SERPINB13: variants seen among roughly 807,000 people sequenced by gnomAD.
The protein encoded by SERPINB13 is serpin B13.
In SERPINB13, 26 loss-of-function variants were observed where a neutral mutation model predicts 31.2. That is an observed-to-expected ratio of 0.83 (90% confidence interval 0.61 to 1.15). The LOEUF (loss-of-function observed/expected upper bound fraction) is 1.15, where lower values mean the gene tolerates loss of function less well. SERPINB13 is among the 50% of genes most tolerant of loss of function. The pLI is 0.00. For missense variants in SERPINB13, 510 were observed against 469.4 expected (o/e 1.09, Z -0.80); for synonymous variants, 191 against 172.4 (o/e 1.11, Z -0.85).
rs980714981 is a variant in SERPINB13 at position 63,589,897 on chromosome 18, A to G, written c.225+182A>G. 8 of 1,239,820 alleles carry G rather than the reference A, an allele frequency of 6.5e-6. No homozygotes were observed. The South Asian group carries it at 6.7e-5, about 10-fold the overall frequency. 76.8% of individuals were successfully genotyped at this position (1,239,820 alleles called of 1,614,324 possible). On this transcript the variant is annotated intron_variant, in intron 3 of 7. Coordinates refer to ENST00000344731, the MANE Select transcript of SERPINB13 (RefSeq NM_012397.4). The stretch of plus-strand genomic sequence containing the variant: ...CAAATATTGTTGTAAGGATTATACA[A>G]TAATAATAACCCCTTAATATTGAGA...
chr18:63,593,049 C>A, intron 5 of SERPINB13, 78 bp downstream of exon 5: 2 of 928,678 alleles, frequency 2.2e-6, no homozygotes, highest in Non-Finnish European at 3.4e-6. Flanking sequence ...TCTTGACAAC[C>A]TGCTGTGAAT....
chr18:63,597,402 A>T lies in SERPINB13; in HGVS notation c.*39A>T. 1 of 1,562,774 alleles carries T rather than the reference A, an allele frequency of 6.4e-7. No individual in the cohort carries two copies. The highest frequency in any genetic ancestry group is 8.7e-7 in the Non-Finnish European group (1 of 1,150,700). ...ATGGCATTGCTGCTTTTAGCAAAAA[A>T]CAACTACCAGTGTTACTCATATGAT... On this transcript the variant is annotated 3_prime_UTR_variant, in exon 8 of 8. Transcript: ENST00000344731.
rs1912296922 is a variant in SERPINB13 at position 63,598,127 on chromosome 18, T to C, written c.*764T>C. On this transcript the variant is annotated 3_prime_UTR_variant, in exon 8 of 8. Transcript: ENST00000344731. ...TACATTTTTCTGGTTTTTTTTTTTT[T>C]TTGAGTGAGGTACGAGTATTACCAA... 1 of 151,916 alleles carries C rather than the reference T, an allele frequency of 6.6e-6. No homozygotes were observed. The highest frequency in any genetic ancestry group is 2.4e-5 in the African/African-American group (1 of 41,398). The allele number at this position is 151,916 out of a possible 1,614,324, so 9.4% of individuals were successfully genotyped here. A position where few individuals can be genotyped will look rare whatever the true frequency, so the allele number is the denominator to read the frequency against.
chr18:63,596,849 C>T (rs973534097), intron 7 of SERPINB13, 110 bp from the exon 8 acceptor site: 2 of 876,778 alleles, frequency 2.3e-6, no homozygotes, highest in Non-Finnish European at 3.3e-6. Flanking sequence ...AAAATTTCTA[C>T]TTTTAATATT....
At chr18:63,594,290 T>G in intron 5 of SERPINB13, 65 bp from the exon 6 acceptor site, 1 of 1,604,984 alleles carries the variant, frequency 6.2e-7, no homozygotes, top group South Asian at 1.1e-5. Flanking sequence ...CTGCATCATA[T>G]TTGTCATACA....
At chr18:63,596,162 T>C (rs1212968202) in intron 7 of SERPINB13, among the ~76,000 whole-genome samples, 2 of 152,152 alleles carry the variant, frequency 1.3e-5, no homozygotes, top group Non-Finnish European at 2.9e-5. Context: ...TAGAAAGCAC[T>C]CAAATGATAA....
Position 63,597,500 on chromosome 18 carries a change from A to C in SERPINB13, c.*137A>C, listed in dbSNP as rs1912256966. 1 of 871,162 alleles carries C rather than the reference A, an allele frequency of 1.1e-6. No homozygotes were observed. The highest frequency in any genetic ancestry group is 1.7e-5 in the African/African-American group (1 of 59,334). 54.0% of individuals were successfully genotyped at this position (871,162 alleles called of 1,614,324 possible). A position where few individuals can be genotyped will look rare whatever the true frequency, so the allele number is the denominator to read the frequency against. On this transcript the variant is annotated 3_prime_UTR_variant, in exon 8 of 8. Coordinates refer to ENST00000344731, the MANE Select transcript of SERPINB13 (RefSeq NM_012397.4). The stretch of plus-strand genomic sequence containing the variant: ...GTCTTGGCCATCAAATCAATGATTT[A>C]ATGACTCCAATAATGTGTGTGTTTA...
chr18:63,595,278 T>C, intron 7 of SERPINB13, 94 bp downstream of exon 7: 1 of 1,292,666 alleles, frequency 7.7e-7, no homozygotes, highest in Non-Finnish European at 1.1e-6. Flanking sequence ...CAGTGTCAAA[T>C]AGAAAGTGTT....
chr18:63,597,468 AT>A lies in SERPINB13; in HGVS notation c.*108del, dbSNP rs1450066046. The A allele has an allele frequency of 3.3e-6, 4 of 1,225,440 alleles. No homozygotes were observed. In the African/African-American group the frequency reaches 6.0e-5, roughly 19 times the overall value. The allele number at this position is 1,225,440 out of a possible 1,614,324, so 75.9% of individuals were successfully genotyped here. ...TTCTTTTAAATGTTGTCTCACTTGC[AT>A]TTCCAGTCTTGGCCATCAAATCAAT... On this transcript the variant is annotated 3_prime_UTR_variant, in exon 8 of 8. Coordinates refer to ENST00000344731, the MANE Select transcript of SERPINB13 (RefSeq NM_012397.4).
At chr18:63,591,829 G>T (rs1911872512) in intron 3 of SERPINB13, among the ~76,000 whole-genome samples, 1 of 151,914 alleles carries the variant, frequency 6.6e-6, no homozygotes, top group South Asian at 2.1e-4. Context: ...AAACTGATGG[G>T]TCCTACATAA....
In SERPINB13 at chr18:63,598,111, C is replaced by G. The variant is rs1408927658; in HGVS notation, c.*748C>G. 7.1e-6 allele frequency: 1 copy of G among 141,638 alleles called. No individual in the cohort carries two copies. The highest frequency in any genetic ancestry group is 2.0e-4 in the East Asian group (1 of 4,928). The allele number at this position is 141,638 out of a possible 1,614,324, so 8.8% of individuals were successfully genotyped here. ...CCTTTTTTTCTCCATTTACATTTTTCTGGTTTTTTTTTTTTTTTGAGTGAG... is the reference window on the plus strand; with the variant it reads ...CCTTTTTTTCTCCATTTACATTTTTGTGGTTTTTTTTTTTTTTTGAGTGAG... On this transcript the variant is annotated 3_prime_UTR_variant, in exon 8 of 8. Coordinates refer to ENST00000344731, the MANE Select transcript of SERPINB13 (RefSeq NM_012397.4).
At chr18:63,595,792 G>A (rs1475154320) in intron 7 of SERPINB13, among the ~76,000 whole-genome samples, 1 of 152,004 alleles carries the variant, frequency 6.6e-6, no homozygotes, top group Non-Finnish European at 1.5e-5. Context: ...CCAGCTACTC[G>A]GGAGGCTGAG....
At chr18:63,591,452 TTTCC>T (rs1379835033) in intron 3 of SERPINB13, among the ~76,000 whole-genome samples, 18 of 150,816 alleles carry the variant, frequency 1.2e-4, no homozygotes, top group Non-Finnish European at 5.9e-5. Context: ...TCCTTTTTTC[TTTCC>T]TTCCTTCCTT....
intron 6 of SERPINB13, 24 bp from the exon 7 acceptor site, chr18:63,595,005 G>A (rs370260802): frequency 6.3e-7 from 1 of 1,591,734 alleles, no homozygotes; most frequent in South Asian, 1.2e-5. Flanking sequence ...CTTTGATATT[G>A]TGTGCTCTGT....
Position 63,597,243 on chromosome 18 carries a change from C to T in SERPINB13, c.1056C>T (p.Gly352=). ...GTEAAAATGI[G]FTVTSAPGHE... is the part of the protein sequence containing the mutation. ...AGGCTGCAGCTGCCACCGGCATAGG[C>T]TTTACTGTCACATCCGCCCCAGGTC... Residue 352 remains glycine (G), a synonymous_variant, in exon 8 of 8, where the codon GGC becomes GGT. Coordinates refer to ENST00000344731, the MANE Select transcript of SERPINB13 (RefSeq NM_012397.4). The T allele has an allele frequency of 6.2e-7, 1 of 1,614,228 alleles. No individual in the cohort carries two copies. The highest frequency in any genetic ancestry group is 1.1e-5 in the South Asian group (1 of 91,084).
At chr18:63,588,420 T>G (rs1452864495) in intron 1 of SERPINB13, among the ~76,000 whole-genome samples, 1 of 151,908 alleles carries the variant, frequency 6.6e-6, no homozygotes, top group Non-Finnish European at 1.5e-5. Context: ...CGCGGGGAAA[T>G]AAGAACTGAG....
Position 63,596,942 on chromosome 18 carries a change from T to G in SERPINB13, c.772-17T>G. ...ATTGATAATCATGCCATTCTACTCT[T>G]CTTTTTTTGAAAATAGATAATAGAT... On this transcript the variant is annotated splice_polypyrimidine_tract_variant and intron_variant, in intron 7 of 7. Coordinates refer to ENST00000344731, the MANE Select transcript of SERPINB13 (RefSeq NM_012397.4). 1 of 1,574,656 alleles carries G rather than the reference T, an allele frequency of 6.4e-7. No individual in the cohort carries two copies. The highest frequency in any genetic ancestry group is 8.6e-7 in the Non-Finnish European group (1 of 1,157,188).
intron 2 of SERPINB13, among the ~76,000 whole-genome samples, chr18:63,589,195 A>G (rs1911695457): frequency 6.6e-6 from 1 of 152,162 alleles, no homozygotes; most frequent in East Asian, 1.9e-4. Flanking sequence ...AATTAGAGGT[A>G]TTTTTAGTAA....
chr18:63,597,356 C>T lies in SERPINB13; in HGVS notation c.1169C>T (p.Ser390Phe). 5.0e-6 allele frequency: 8 copies of T among 1,609,104 alleles called. No homozygotes were observed. The highest frequency in any genetic ancestry group is 5.1e-6 in the Non-Finnish European group (6 of 1,176,660). The stretch of plus-strand genomic sequence containing the variant: ...ATCCTCTTCTTCGGCAGATTTTCTT[C>T]TCCTTAAGATGATCGTTGCCATGGC... Reference protein sequence around the residue: ...NSILFFGRFSSP With the variant: ...NSILFFGRFSFP Residue 390 changes from serine to phenylalanine, a missense_variant, in exon 8 of 8, where the codon TCT (serine) becomes TTT (phenylalanine). By Grantham distance (155) the Ser-to-Phe change is radical. Transcript: ENST00000344731.
Sources: gnomAD v4.1 joint callset for allele counts (sites outside exome capture counted in the v4.1 genomes callset) on GRCh38, gnomAD v4.1.1 for gene constraint, MANE v1.5 for transcripts, NCBI Gene and HGNC (gene_info 2026-07-23, HGNC 2026-07-21) for gene names.